The following UGT1A9 variants were observed in gnomAD, a reference collection of about 807,000 sequenced individuals.
UGT1A9 encodes the protein UDP glucuronosyltransferase family 1 member A9, also known as UDP-glucuronosyltransferase 1A9.
A neutral mutation model predicts 45.0 loss-of-function variants in UGT1A9; 35 were observed. The observed-to-expected ratio is 0.78, with a 90% confidence interval of 0.59 to 1.03. UGT1A9 has a LOEUF of 1.03. UGT1A9 is among the 50% of genes least tolerant of loss of function. The pLI is 0.00. For missense variants in UGT1A9, 687 were observed against 666.6 expected (o/e 1.03, Z -0.34); for synonymous variants, 278 against 250.6 (o/e 1.11, Z -1.03).
chr2:233,769,841 G>A lies in UGT1A9; in HGVS notation c.1295+1402G>A. On this transcript the variant is annotated intron_variant, in intron 4 of 4. Transcript: ENST00000354728. The surrounding 1 kb of genome is among the most constrained non-coding windows in gnomAD (Gnocchi z 4.4). ...CTGCACTCCAGCAACCTGGGCAACAGAGTGAGACCCTGTCTCAAAAAAAAA... is the reference window on the plus strand; with the variant it reads ...CTGCACTCCAGCAACCTGGGCAACAAAGTGAGACCCTGTCTCAAAAAAAAA... 1.8e-6 allele frequency: 1 copy of A among 550,094 alleles called. No individual in the cohort carries two copies. Among genetic ancestry groups the A allele is most frequent in the Non-Finnish European group, 2.8e-6 (1 of 353,910 alleles). The allele number at this position is 550,094 out of a possible 1,614,324, so 34.1% of individuals were successfully genotyped here.
rs541555722 is a variant in UGT1A9 at position 233,725,921 on chromosome 2, T to C, written c.856-41113T>C. On this transcript the variant is annotated intron_variant, in intron 1 of 4. Coordinates refer to ENST00000354728, the MANE Select transcript of UGT1A9 (RefSeq NM_021027.3). ...TGGCTCACACCTGCAATTTCAGCCC[T>C]TTGGGAGACTGATGCAGGAGGATTG... Among the ~76,000 whole-genome samples the C allele has an allele frequency of 3.0e-4, 46 of 152,308 alleles. No individual in the cohort carries two copies. The South Asian group carries it at 8.7e-3, about 29-fold the overall frequency.
chr2:233,709,943 C>T (rs908134043), intron 1 of UGT1A9, among the ~76,000 whole-genome samples: 1 of 152,174 alleles, frequency 6.6e-6, no homozygotes, highest in African/African-American at 2.4e-5. Flanking sequence ...TGGATGGTTT[C>T]TGTTGCTGGA....
chr2:233,766,272 G>C (rs1351320268), intron 1 of UGT1A9, among the ~76,000 whole-genome samples: 4 of 68,008 alleles, frequency 5.9e-5, no homozygotes, highest in Admixed American at 5.5e-4. Flanking sequence ...CCCGGGCTCG[G>C]TGGCCCGGGC....
chr2:233,733,086 T>G (rs2078354195), intron 1 of UGT1A9, among the ~76,000 whole-genome samples: 1 of 152,184 alleles, frequency 6.6e-6, no homozygotes, highest in Admixed American at 6.5e-5. Flanking sequence ...TGAATGGGAG[T>G]TCACTCATGG....
intron 1 of UGT1A9, chr2:233,747,179 G>T: frequency 3.1e-6 from 5 of 1,601,464 alleles, no homozygotes; most frequent in Non-Finnish European, 4.3e-6. Context: ...GCACAGCGTG[G>T]GGTGGACAGT....
chr2:233,706,693 T>C (rs1230207600), intron 1 of UGT1A9, among the ~76,000 whole-genome samples: 1 of 152,202 alleles, frequency 6.6e-6, no homozygotes, highest in Non-Finnish European at 1.5e-5. Context: ...CTCCTTCTTG[T>C]CACTGAAAAG....
At chr2:233,680,785 G>C (rs1445386973) in intron 1 of UGT1A9, among the ~76,000 whole-genome samples, 1 of 152,114 alleles carries the variant, frequency 6.6e-6, no homozygotes, top group Admixed American at 6.5e-5. Flanking sequence ...AAGTGATTGG[G>C]GTGGGCCCAT....
At chr2:233,737,493 C>T (rs2078886571) in intron 1 of UGT1A9, among the ~76,000 whole-genome samples, 1 of 152,188 alleles carries the variant, frequency 6.6e-6, no homozygotes, top group Admixed American at 6.5e-5. Flanking sequence ...AAGGGAAATC[C>T]CTCACCCTCT....
intron 1 of UGT1A9, among the ~76,000 whole-genome samples, chr2:233,714,226 A>T (rs533921127): frequency 6.6e-6 from 1 of 152,290 alleles, no homozygotes; most frequent in South Asian, 2.1e-4. Context: ...TGCTGGCAAG[A>T]TTTTCAGTAG....
intron 1 of UGT1A9, chr2:233,729,233 T>C (rs746735102): frequency 5.5e-5 from 88 of 1,614,154 alleles, no homozygotes; most frequent in South Asian, 6.6e-5. Context: ...GTGGTGCCCA[T>C]TGATGGCAGC....
chr2:233,736,300 A>G (rs1483271188), intron 1 of UGT1A9, among the ~76,000 whole-genome samples: 4 of 152,002 alleles, frequency 2.6e-5, no homozygotes, highest in Non-Finnish European at 1.5e-5. Flanking sequence ...AGTTGCTCTA[A>G]TCAGCTATTG....
chr2:233,724,316 G>C (rs1421066037), intron 1 of UGT1A9, among the ~76,000 whole-genome samples: 63 of 131,144 alleles, frequency 4.8e-4, no homozygotes, highest in East Asian at 1.0e-3. Context: ...TCCCGGACGG[G>C]GCGGCTGGCC....
chr2:233,744,809 C>T (rs1203148811), intron 1 of UGT1A9, among the ~76,000 whole-genome samples: 1 of 151,860 alleles, frequency 6.6e-6, no homozygotes. Context: ...CCTAGGATTT[C>T]CTGGCTCATA....
intron 1 of UGT1A9, among the ~76,000 whole-genome samples, chr2:233,722,817 G>T (rs1300822952): frequency 6.1e-5 from 9 of 147,334 alleles, no homozygotes; most frequent in African/African-American, 2.0e-4. Flanking sequence ...ATTTTTTCAA[G>T]TTATTTTGTA....
intron 1 of UGT1A9, among the ~76,000 whole-genome samples, chr2:233,761,952 C>G (rs1458039003): frequency 6.6e-6 from 1 of 152,184 alleles, no homozygotes; most frequent in Non-Finnish European, 1.5e-5. Context: ...CGTCTGGCTC[C>G]CATTAAGGGG....
intron 1 of UGT1A9, chr2:233,743,844 TGCGGTACGC>T: frequency 7.3e-7 from 1 of 1,367,272 alleles, no homozygotes; most frequent in Non-Finnish European, 9.8e-7. Context: ...AGCGCCAGCT[TGCGGTACGC>T]CTTCTTGATG....
chr2:233,765,958 G>T (rs1456773325), intron 1 of UGT1A9, among the ~76,000 whole-genome samples: 1 of 152,138 alleles, frequency 6.6e-6, no homozygotes, highest in East Asian at 1.9e-4. Flanking sequence ...CACCGGCAGT[G>T]TCTAGAGGTG....
chr2:233,677,977 T>C (rs1171780295), intron 1 of UGT1A9, among the ~76,000 whole-genome samples: 2 of 152,104 alleles, frequency 1.3e-5, no homozygotes, highest in Non-Finnish European at 2.9e-5. Flanking sequence ...CTCCATGGAA[T>C]ATGCAGCCAT....
At chr2:233,724,781 A>C (rs1318999915) in intron 1 of UGT1A9, among the ~76,000 whole-genome samples, 2 of 140,898 alleles carry the variant, frequency 1.4e-5, no homozygotes, top group Admixed American at 7.0e-5. Flanking sequence ...GACACTCCTC[A>C]CTTCCCAGAC....
Sources: allele counts gnomAD v4.1 joint callset (sites outside exome capture counted in the v4.1 genomes callset), GRCh38; gene constraint gnomAD v4.1.1; non-coding constraint Gnocchi (gnomAD v3.1); transcripts MANE v1.5; gene names NCBI Gene and HGNC (gene_info 2026-07-23, HGNC 2026-07-21).